The following CNTN1 variants were observed in gnomAD, a reference collection of about 807,000 sequenced individuals.
The protein encoded by CNTN1 is contactin-1.
A neutral mutation model predicts 126.4 loss-of-function variants in CNTN1; 38 were observed. That is an observed-to-expected ratio of 0.30 (90% CI 0.23 to 0.39). The LOEUF (loss-of-function observed/expected upper bound fraction) is 0.39. CNTN1 is among the 10% of genes least tolerant of loss of function. The pLI, the probability that CNTN1 is intolerant of heterozygous loss-of-function variation, is 1.00. For synonymous variants in CNTN1, 413 were observed against 422.6 expected (o/e 0.98, Z 0.28); for missense variants, 1,009 against 1,248.4 (o/e 0.81, Z 2.89).
chr12:41,013,480 C>G (rs1003685801), intron 17 of CNTN1, among the ~76,000 whole-genome samples: 2 of 151,908 alleles, frequency 1.3e-5, no homozygotes, highest in East Asian at 1.9e-4. Flanking sequence ...TTCTTCTTAA[C>G]TCCTATATTG....
At chr12:40,872,726 A>T (rs1943545716) in intron 1 of CNTN1, among the ~76,000 whole-genome samples, 1 of 151,718 alleles carries the variant, frequency 6.6e-6, no homozygotes, top group Non-Finnish European at 1.5e-5. Context: ...GCACACCACC[A>T]CGCCCAGATA....
intron 23 of CNTN1, among the ~76,000 whole-genome samples, chr12:41,039,766 A>C (rs1949354206): frequency 6.6e-6 from 1 of 152,176 alleles, no homozygotes; most frequent in African/African-American, 2.4e-5. Context: ...GGTGTTGCCC[A>C]AAGTTGGCAA....
chr12:40,841,090 AAACT>A (rs911186940), intron 1 of CNTN1, among the ~76,000 whole-genome samples: 23 of 152,134 alleles, frequency 1.5e-4, no homozygotes, highest in Admixed American at 5.9e-4. Context: ...CTAAATAAAC[AAACT>A]AAGAAATAAA....
chr12:41,044,370 C>G (rs965917302), intron 23 of CNTN1, among the ~76,000 whole-genome samples: 3 of 151,820 alleles, frequency 2.0e-5, no homozygotes, highest in Non-Finnish European at 4.4e-5. Flanking sequence ...CTGGTGCAAA[C>G]AAAGTCAGTA....
At chr12:40,927,708 A>G (rs1200720540) in intron 6 of CNTN1, among the ~76,000 whole-genome samples, 3 of 152,144 alleles carry the variant, frequency 2.0e-5, no homozygotes, top group African/African-American at 4.8e-5. Flanking sequence ...GGCCACATCT[A>G]TCTTGTTTAG....
rs59993134 is a variant in CNTN1, at chr12:40,707,046, GCACACACACACACACA to G, written c.-77+14482_-77+14497del. Among the ~76,000 whole-genome samples, 614 of 149,386 alleles carry G rather than the reference GCACACACACACACACA, an allele frequency of 4.1e-3. 5 individuals are homozygous for G. The highest frequency in any genetic ancestry group is 6.9e-3 in the Middle Eastern group (2 of 290). On this transcript the variant is annotated intron_variant, in intron 1 of 23. Coordinates refer to ENST00000551295, the MANE Select transcript of CNTN1 (RefSeq NM_001843.4). ...TAAAGACGTGCGCGCGCGCGCTTGCGCACACACACACACACACACACACACACACACACACACACAC... is the reference window on the plus strand; with the variant it reads ...TAAAGACGTGCGCGCGCGCGCTTGCGCACACACACACACACACACACACAC...
chr12:40,924,700 AC>A, intron 6 of CNTN1, 48 bp downstream of exon 6: 2 of 987,252 alleles, frequency 2.0e-6, no homozygotes, highest in Non-Finnish European at 3.3e-6. Flanking sequence ...AACAAAATGG[AC>A]AAGTTTCCAT....
chr12:40,732,582 A>G (rs1942527637), intron 1 of CNTN1, among the ~76,000 whole-genome samples: 1 of 152,060 alleles, frequency 6.6e-6, no homozygotes, highest in African/African-American at 2.4e-5. Flanking sequence ...ATAGAGGGGA[A>G]TGAGAAACCA....
At chr12:40,881,252 A>T (rs1373770217) in intron 1 of CNTN1, among the ~76,000 whole-genome samples, 1 of 151,938 alleles carries the variant, frequency 6.6e-6, no homozygotes, top group Non-Finnish European at 1.5e-5. Context: ...AAAGGGTTGG[A>T]TGAAAGAACA....
chr12:41,016,949 G>A lies in CNTN1; in HGVS notation c.2419+33G>A, dbSNP rs776208335. 51 of 1,564,836 alleles carry A rather than the reference G, an allele frequency of 3.3e-5. 2 individuals carry two copies. On this transcript the variant is annotated intron_variant, in intron 19 of 23. Transcript: ENST00000551295. ...AAAGAAAGACCTTCTTACCTGAGGA[G>A]GGAGGAAAAACGTATTTCTCTAGCA...
intron 1 of CNTN1, among the ~76,000 whole-genome samples, chr12:40,903,152 G>A (rs994560287): frequency 1.3e-5 from 2 of 152,190 alleles, no homozygotes; most frequent in East Asian, 3.9e-4. Context: ...GACCCACAGA[G>A]CTGCATGAGG....
chr12:40,988,409 G>A (rs756920609), intron 16 of CNTN1, among the ~76,000 whole-genome samples: 18 of 152,130 alleles, frequency 1.2e-4, no homozygotes, highest in Non-Finnish European at 2.5e-4. Flanking sequence ...CAATGGAGGG[G>A]CTTACATTGG....
intron 1 of CNTN1, among the ~76,000 whole-genome samples, chr12:40,797,609 C>T (rs1423733502): frequency 6.6e-6 from 1 of 151,992 alleles, no homozygotes; most frequent in Non-Finnish European, 1.5e-5. Context: ...CATTTTTAAG[C>T]TAGTAAATAA....
chr12:40,711,435 A>T (rs1017769323), intron 1 of CNTN1, among the ~76,000 whole-genome samples: 4 of 152,096 alleles, frequency 2.6e-5, no homozygotes, highest in African/African-American at 9.7e-5. Flanking sequence ...ATATCCCTTC[A>T]CATTTTTAGG....
intron 17 of CNTN1, among the ~76,000 whole-genome samples, chr12:41,007,123 G>T (rs562796): frequency 7.5e-6 from 1 of 132,492 alleles, no homozygotes; most frequent in Non-Finnish European, 1.6e-5. Flanking sequence ...GCAGTGGCGG[G>T]ATCTCGGCTC....
Position 40,768,274 on chromosome 12 carries a change from G to T in CNTN1, c.-77+75682G>T, listed in dbSNP as rs576306504. ...ACTTTAGCTCAGAATTGAAGGTCAC[G>T]TAGCTGGTAAGGGTTGAGGGGCCCT... On this transcript the variant is annotated intron_variant, in intron 1 of 23. Transcript: ENST00000551295. Among the ~76,000 whole-genome samples the T allele has an allele frequency of 3.3e-5, 5 of 152,324 alleles. 1 individual carries two copies. The highest frequency in any genetic ancestry group is 1.2e-4 in the African/African-American group (5 of 41,582).
intron 1 of CNTN1, among the ~76,000 whole-genome samples, chr12:40,787,429 G>T (rs1940066323): frequency 6.6e-6 from 1 of 152,036 alleles, no homozygotes; most frequent in African/African-American, 2.4e-5. Flanking sequence ...TATTGCATTT[G>T]GCAGACTCTG....
rs1949831634 is a variant in CNTN1 at position 41,057,021 on chromosome 12, ATAT to A, written c.2981-12936_2981-12934del. On this transcript the variant is annotated intron_variant, in intron 23 of 23. Transcript: ENST00000551295. Reference sequence around the variant, plus strand: ...ATAAATATTTAGATATTTATAAATGATATTTATAAATATTATAAATATTTAGAT... The same window carrying A: ...ATAAATATTTAGATATTTATAAATGATTATAAATATTATAAATATTTAGAT... Among the ~76,000 whole-genome samples the A allele has an allele frequency of 7.3e-5, 4 of 54,652 alleles. 1 individual carries two copies. The highest frequency in any genetic ancestry group is 1.3e-4 in the Non-Finnish European group (4 of 30,148). The allele number at this position is 54,652 out of a possible 152,430, so 35.9% of individuals were successfully genotyped here.
chr12:40,859,678 T>C (rs368871764), intron 1 of CNTN1, among the ~76,000 whole-genome samples: 1 of 152,078 alleles, frequency 6.6e-6, no homozygotes, highest in East Asian at 1.9e-4. Context: ...ACAGGAGCAT[T>C]ATGCTGGGGG....
Sources: gnomAD v4.1 joint callset for allele counts (sites outside exome capture counted in the v4.1 genomes callset) on GRCh38, gnomAD v4.1.1 for gene constraint, MANE v1.5 for transcripts, NCBI Gene and HGNC (gene_info 2026-07-23, HGNC 2026-07-21) for gene names.